The following NAALADL2 variants were observed in gnomAD, a reference collection of about 807,000 sequenced individuals.
NAALADL2 encodes the protein N-acetylated alpha-linked acidic dipeptidase like 2.
A neutral mutation model predicts 87.2 loss-of-function variants in NAALADL2; 76 were observed. That is an observed-to-expected ratio of 0.87 (90% CI 0.72 to 1.05). The LOEUF (loss-of-function observed/expected upper bound fraction) is 1.05. NAALADL2 is among the 50% of genes least tolerant of loss of function. The pLI, the probability that NAALADL2 is intolerant of heterozygous loss-of-function variation, is 0.00. For missense variants in NAALADL2, 1,089 were observed against 945.8 expected, an observed-to-expected ratio of 1.15 and a Z score of -1.99; for synonymous variants, 354 against 331.0, an observed-to-expected ratio of 1.07 and a Z score of -0.75.
At chr3:175,561,657 T>C (rs1716291389) in intron 9 of NAALADL2, among the ~76,000 whole-genome samples, 1 of 152,180 alleles carries the variant, frequency 6.6e-6, no homozygotes, top group South Asian at 2.1e-4. Flanking sequence ...TATCCATGGC[T>C]TCCACTTCTG....
chr3:174,709,209 A>G (rs1730391436), intron 2 of NAALADL2, among the ~76,000 whole-genome samples: 1 of 152,136 alleles, frequency 6.6e-6, no homozygotes, highest in Non-Finnish European at 1.5e-5. Flanking sequence ...TAAAAGAAAA[A>G]TACAAACTTG....
intron 5 of NAALADL2, among the ~76,000 whole-genome samples, chr3:175,417,374 T>A (rs1221145306): frequency 6.6e-6 from 1 of 151,748 alleles, no homozygotes; most frequent in Non-Finnish European, 1.5e-5. Flanking sequence ...AAAATTAATA[T>A]TATAGTCAGT....
intron 12 of NAALADL2, among the ~76,000 whole-genome samples, chr3:175,737,889 G>A (rs576439258): frequency 6.6e-6 from 1 of 151,882 alleles, no homozygotes; most frequent in Non-Finnish European, 1.5e-5. Context: ...AAGAAACCAG[G>A]CAATTATTTC....
At chr3:174,586,151 A>G (rs963562431) in intron 2 of NAALADL2, among the ~76,000 whole-genome samples, 1 of 152,182 alleles carries the variant, frequency 6.6e-6, no homozygotes, top group Non-Finnish European at 1.5e-5. Context: ...TTCAACGGAT[A>G]TTTGTTCATC....
At chr3:174,601,565 T>A (rs1718464722) in intron 2 of NAALADL2, among the ~76,000 whole-genome samples, 1 of 152,204 alleles carries the variant, frequency 6.6e-6, no homozygotes, top group South Asian at 2.1e-4. Context: ...AGATGGGTAG[T>A]TTGCAAATAT....
chr3:175,151,031 CA>C (rs1389703181), intron 2 of NAALADL2, among the ~76,000 whole-genome samples: 2 of 152,036 alleles, frequency 1.3e-5, no homozygotes, highest in African/African-American at 4.8e-5. Flanking sequence ...AATTGAAATT[CA>C]AAATTTGTTT....
chr3:175,394,620 G>GT (rs1054327079), intron 5 of NAALADL2, among the ~76,000 whole-genome samples: 4 of 151,080 alleles, frequency 2.6e-5, no homozygotes, highest in Non-Finnish European at 5.9e-5. Context: ...TGACAGTTGT[G>GT]TTTTTTATGT....
chr3:175,228,947 C>A (rs1744552085), intron 2 of NAALADL2, among the ~76,000 whole-genome samples: 1 of 151,720 alleles, frequency 6.6e-6, no homozygotes, highest in Admixed American at 6.6e-5. Flanking sequence ...TTATAGTAGT[C>A]CAGCTTATTT....
chr3:175,288,106 G>T (rs1755200563), intron 4 of NAALADL2, among the ~76,000 whole-genome samples: 1 of 152,070 alleles, frequency 6.6e-6, no homozygotes, highest in Admixed American at 6.6e-5. Context: ...CTTGAGACCA[G>T]AGTCTCACTC....
intron 11 of NAALADL2, among the ~76,000 whole-genome samples, chr3:175,654,243 C>A (rs926507516): frequency 3.9e-5 from 6 of 152,000 alleles, no homozygotes; most frequent in Non-Finnish European, 8.8e-5. Flanking sequence ...GTGGCATTTT[C>A]TTTTTCTAGA....
intron 1 of NAALADL2, among the ~76,000 whole-genome samples, chr3:174,470,535 T>A (rs1358763254): frequency 3.5e-4 from 53 of 152,262 alleles, no homozygotes; most frequent in African/African-American, 1.2e-3. Context: ...GAAGTCTTAG[T>A]CATAAATTCT....
chr3:174,669,331 G>A (rs1418185251), intron 2 of NAALADL2, among the ~76,000 whole-genome samples: 1 of 151,910 alleles, frequency 6.6e-6, no homozygotes, highest in Non-Finnish European at 1.5e-5. Context: ...TGTCAGATGA[G>A]TAGATTGCAA....
At chr3:174,774,211 T>C (rs1157703522) in intron 3 of NAALADL2, among the ~76,000 whole-genome samples, 3 of 152,188 alleles carry the variant, frequency 2.0e-5, no homozygotes, top group Non-Finnish European at 4.4e-5. Context: ...AGCTACCCTC[T>C]GTGGCATTCA....
intron 1 of NAALADL2, among the ~76,000 whole-genome samples, chr3:175,002,080 G>A (rs1158224239): frequency 2.6e-5 from 4 of 151,740 alleles, no homozygotes; most frequent in East Asian, 1.9e-4. Flanking sequence ...CCCATGATAC[G>A]TCCCATGTGG....
chr3:175,076,795 A>T (rs1389069878), intron 1 of NAALADL2, among the ~76,000 whole-genome samples: 1 of 152,200 alleles, frequency 6.6e-6, no homozygotes, highest in Non-Finnish European at 1.5e-5. Context: ...TAGTTTTGAA[A>T]TCTATAAAGC....
chr3:175,506,777 A>G (rs1730381897), intron 9 of NAALADL2, among the ~76,000 whole-genome samples: 1 of 152,216 alleles, frequency 6.6e-6, no homozygotes, highest in African/African-American at 2.4e-5. Flanking sequence ...AGCAATAGTC[A>G]TCATGCATAA....
chr3:174,644,998 G>A (rs1011522018), intron 2 of NAALADL2, among the ~76,000 whole-genome samples: 5 of 152,210 alleles, frequency 3.3e-5, no homozygotes, highest in Non-Finnish European at 5.9e-5. Flanking sequence ...CCATTGGCAA[G>A]GTAGTGAAAG....
At chr3:174,895,486 T>G (rs1449636216) in intron 1 of NAALADL2, among the ~76,000 whole-genome samples, 1 of 151,326 alleles carries the variant, frequency 6.6e-6, no homozygotes, top group Non-Finnish European at 1.5e-5. Context: ...TGGGAAGAAA[T>G]CCCAAACCTG....
intron 5 of NAALADL2, among the ~76,000 whole-genome samples, chr3:175,361,890 T>A (rs1456908725): frequency 2.0e-5 from 3 of 148,282 alleles, no homozygotes; most frequent in South Asian, 2.2e-4. Context: ...CATTTGTCAA[T>A]TTTGGCTTTT....
Sources: allele counts gnomAD v4.1 joint callset (sites outside exome capture counted in the v4.1 genomes callset), GRCh38; gene constraint gnomAD v4.1.1; transcripts MANE v1.5; gene names NCBI Gene and HGNC (gene_info 2026-07-23, HGNC 2026-07-21).